Variants in TBC1D30 observed in about 807,000 individuals in gnomAD.
TBC1D30 encodes the protein TBC1 domain family, member 30.
In TBC1D30, 31 loss-of-function variants were observed where a neutral mutation model predicts 63.2. That is an observed-to-expected ratio of 0.49 (90% CI 0.37 to 0.66). The LOEUF (loss-of-function observed/expected upper bound fraction) is 0.66. Among genes scored for constraint, TBC1D30 ranks in the 30% least tolerant of loss-of-function variants. The pLI is 0.00. For synonymous variants in TBC1D30, 307 were observed against 361.5 expected (o/e 0.85, Z 1.71); for missense variants, 810 against 953.6 (o/e 0.85, Z 1.98).
chr12:64,793,238 G>A (rs1459817512), intron 2 of TBC1D30, among the ~76,000 whole-genome samples: 1 of 152,136 alleles, frequency 6.6e-6, no homozygotes, highest in Non-Finnish European at 1.5e-5. Context: ...AGCTACTCGG[G>A]AGGCTGAGGC....
upstream of TBC1D30, among the ~76,000 whole-genome samples, chr12:64,820,147 A>G (rs1244425307): frequency 2.0e-5 from 3 of 152,066 alleles, no homozygotes; most frequent in Admixed American, 6.5e-5. Context: ...TTTTTATTTT[A>G]AGACTTTACT....
intron 3 of TBC1D30, among the ~76,000 whole-genome samples, chr12:64,829,269 T>C (rs1376330571): frequency 6.6e-6 from 1 of 152,006 alleles, no homozygotes; most frequent in Non-Finnish European, 1.5e-5. Flanking sequence ...AGGGCTGAAG[T>C]AGGGAGACCA....
At chr12:64,804,434 A>T (rs1872750061) in intron 2 of TBC1D30, among the ~76,000 whole-genome samples, 1 of 152,216 alleles carries the variant, frequency 6.6e-6, no homozygotes, top group Non-Finnish European at 1.5e-5. Flanking sequence ...TCACCTGCAA[A>T]CAGGGACAAT....
intron 5 of TBC1D30, among the ~76,000 whole-genome samples, chr12:64,835,038 A>T (rs1240159570): frequency 2.0e-5 from 3 of 152,108 alleles, no homozygotes; most frequent in African/African-American, 7.2e-5. Flanking sequence ...CCTGATCCAT[A>T]GAGTGCTAGG....
intron 8 of TBC1D30, among the ~76,000 whole-genome samples, chr12:64,846,244 C>G (rs1407450363): frequency 6.6e-6 from 1 of 152,094 alleles, no homozygotes; most frequent in Non-Finnish European, 1.5e-5. Flanking sequence ...GGTGTCTGTG[C>G]TCATGGGGTA....
upstream of TBC1D30, chr12:64,779,061 T>C (rs1406279679): frequency 6.6e-6 from 1 of 152,244 alleles, no homozygotes; most frequent in Non-Finnish European, 1.5e-5. Flanking sequence ...GGTCTCTTTT[T>C]TCCCTTCAGC....
chr12:64,829,797 T>A (rs954307834), intron 3 of TBC1D30, among the ~76,000 whole-genome samples: 4 of 152,258 alleles, frequency 2.6e-5, no homozygotes, highest in African/African-American at 9.6e-5. Context: ...AAAATGACAT[T>A]ATGAAATATA....
intron 1 of TBC1D30, among the ~76,000 whole-genome samples, chr12:64,825,800 T>G (rs141539304): frequency 4.6e-5 from 7 of 152,038 alleles, no homozygotes; most frequent in Non-Finnish European, 1.0e-4. Context: ...GCAGAGGGAG[T>G]TGGCTGTACT....
Position 64,836,516 on chromosome 12 carries a change from A to G in TBC1D30, c.621A>G (p.Val207=). ...LKIMIYLIDK[V]LPESYFVNNL... ...TTATGATTTACCTTATTGATAAGGTACTTCCCGAAAGCTATTTCGTCAATA... is the reference window on the plus strand; with the variant it reads ...TTATGATTTACCTTATTGATAAGGTGCTTCCCGAAAGCTATTTCGTCAATA... Residue 207 remains valine, a synonymous_variant, in exon 6 of 12, where the codon GTA becomes GTG. Coordinates refer to ENST00000539867, the MANE Select transcript of TBC1D30 (RefSeq NM_015279.2). 1 of 1,535,926 alleles carries G rather than the reference A, an allele frequency of 6.5e-7. No individual in the cohort carries two copies. The highest frequency in any genetic ancestry group is 1.2e-5 in the South Asian group (1 of 84,036).
intron 1 of TBC1D30, among the ~76,000 whole-genome samples, chr12:64,827,591 G>A (rs930009050): frequency 9.2e-5 from 14 of 152,064 alleles, no homozygotes; most frequent in African/African-American, 3.1e-4. Context: ...TTGCTTTTGT[G>A]GTACTCCAGG....
intron 2 of TBC1D30, among the ~76,000 whole-genome samples, chr12:64,810,247 G>A (rs1286820859): frequency 3.9e-5 from 6 of 152,210 alleles, no homozygotes; most frequent in Non-Finnish European, 8.8e-5. Flanking sequence ...CGTGGTCTGT[G>A]TTGGGCCATT....
chr12:64,759,557 AAAAGGG>A, exon 1 of TBC1D30: 2 of 389,538 alleles, frequency 5.1e-6, no homozygotes, highest in East Asian at 6.0e-5. Context: ...AGAACCGGAG[AAAAGGG>A]CGGAGAACCG....
intron 10 of TBC1D30, among the ~76,000 whole-genome samples, chr12:64,867,218 C>T (rs1878296002): frequency 6.6e-6 from 1 of 152,064 alleles, no homozygotes; most frequent in Non-Finnish European, 1.5e-5. Flanking sequence ...GTAATCCCAG[C>T]ACTTTGGGAG....
upstream of TBC1D30, among the ~76,000 whole-genome samples, chr12:64,823,980 C>T (rs1874056633): frequency 1.3e-5 from 2 of 151,464 alleles, no homozygotes; most frequent in African/African-American, 4.9e-5. Flanking sequence ...TATTAGCAAA[C>T]ACAAGTATCT....
At chr12:64,865,957 C>T (rs1027287529) in intron 9 of TBC1D30, among the ~76,000 whole-genome samples, 2 of 152,144 alleles carry the variant, frequency 1.3e-5, no homozygotes, top group Non-Finnish European at 2.9e-5. Context: ...GCGGCCTTAA[C>T]CTTCCAGGCT....
chr12:64,793,555 G>C (rs1331253653), intron 2 of TBC1D30, among the ~76,000 whole-genome samples: 5 of 151,978 alleles, frequency 3.3e-5, no homozygotes, highest in African/African-American at 1.2e-4. Context: ...AGCTACTCTG[G>C]AGGCTGAGGC....
At chr12:64,871,079 G>T (rs1052234725) in intron 11 of TBC1D30, among the ~76,000 whole-genome samples, 2 of 152,126 alleles carry the variant, frequency 1.3e-5, no homozygotes, top group Non-Finnish European at 2.9e-5. Flanking sequence ...TGTGGAGAAG[G>T]GTTTACAAAT....
At chr12:64,773,816 A>T (rs1870986985) in intron 1 of TBC1D30, among the ~76,000 whole-genome samples, 1 of 152,250 alleles carries the variant, frequency 6.6e-6, no homozygotes, top group Non-Finnish European at 1.5e-5. Flanking sequence ...TTGAAAATAG[A>T]TAATCCCATA....
upstream of TBC1D30, among the ~76,000 whole-genome samples, chr12:64,822,495 T>A (rs1873944220): frequency 6.6e-6 from 1 of 151,654 alleles, no homozygotes; most frequent in South Asian, 2.1e-4. Context: ...AATTAATTGC[T>A]TTTTGTTTTT....
Sources: gnomAD v4.1 joint callset for allele counts (sites outside exome capture counted in the v4.1 genomes callset) on GRCh38, gnomAD v4.1.1 for gene constraint, MANE v1.5 for transcripts, NCBI Gene and HGNC (gene_info 2026-07-23, HGNC 2026-07-21) for gene names.